ADGRV1: variants seen among roughly 807,000 people sequenced by gnomAD.
ADGRV1 encodes G-protein coupled receptor 98.
In ADGRV1, 359 loss-of-function variants were observed where a neutral mutation model predicts 596.2. The observed-to-expected ratio is 0.60, with a 90% CI of 0.55 to 0.66. The LOEUF is 0.66. Among genes scored for constraint, ADGRV1 ranks in the 30% least tolerant of loss-of-function variants. The pLI is 0.00. For missense variants in ADGRV1, 7,274 were observed against 7,575.6 expected (o/e 0.96, Z 1.48); for synonymous variants, 2,681 against 2,679.2 (o/e 1.00, Z -0.02).
intron 1 of ADGRV1, among the ~76,000 whole-genome samples, chr5:90,608,345 A>G (rs1188159088): frequency 6.6e-6 from 1 of 152,106 alleles, no homozygotes; most frequent in African/African-American, 2.4e-5. Context: ...CCAAATGGAC[A>G]AGAATAAACT....
intron 11 of ADGRV1, among the ~76,000 whole-genome samples, chr5:90,640,258 A>G (rs58132310): frequency 0.18 from 27,538 of 152,060 alleles, 2,688 homozygotes; most frequent in East Asian, 0.4. Context: ...TGGTTTCCTG[A>G]TGCCAAGTTG....
intron 85 of ADGRV1, among the ~76,000 whole-genome samples, chr5:91,063,062 G>C (rs1460847698): frequency 1.4e-5 from 2 of 146,704 alleles, no homozygotes; most frequent in Admixed American, 1.4e-4. Context: ...GGGCTCAAGC[G>C]ATCCTCCCAC....
chr5:90,607,864 G>A (rs1762292834), intron 1 of ADGRV1, among the ~76,000 whole-genome samples: 1 of 152,044 alleles, frequency 6.6e-6, no homozygotes, highest in Non-Finnish European at 1.5e-5. Flanking sequence ...TATAGATGAT[G>A]AAGAATTACC....
chr5:90,766,169 A>G (rs1355220330), intron 59 of ADGRV1, among the ~76,000 whole-genome samples: 1 of 152,156 alleles, frequency 6.6e-6, no homozygotes, highest in Admixed American at 6.5e-5. Flanking sequence ...TTGGCCTCCC[A>G]AAGTGCTGGG....
At chr5:90,984,253 C>A (rs983383546) in intron 84 of ADGRV1, among the ~76,000 whole-genome samples, 1 of 152,162 alleles carries the variant, frequency 6.6e-6, no homozygotes, top group Admixed American at 6.5e-5. Context: ...CATACTCACA[C>A]TCTTTCTACC....
intron 83 of ADGRV1, among the ~76,000 whole-genome samples, chr5:90,894,751 G>C (rs1429419635): frequency 1.3e-5 from 2 of 152,078 alleles, no homozygotes; most frequent in Admixed American, 1.3e-4. Flanking sequence ...AATGAATATG[G>C]AACCTGTTTC....
chr5:90,914,028 T>C (rs1313201850), intron 83 of ADGRV1, among the ~76,000 whole-genome samples: 1 of 152,170 alleles, frequency 6.6e-6, no homozygotes, highest in Non-Finnish European at 1.5e-5. Context: ...ACATATGAAG[T>C]AGTGAGTGGG....
intron 87 of ADGRV1, among the ~76,000 whole-genome samples, chr5:91,104,058 T>A (rs1791631424): frequency 6.6e-6 from 1 of 152,212 alleles, no homozygotes; most frequent in South Asian, 2.1e-4. Context: ...AGTTGTGATT[T>A]TTCTTTGTAT....
At chr5:90,909,236 C>T (rs1351992195) in intron 83 of ADGRV1, among the ~76,000 whole-genome samples, 1 of 152,168 alleles carries the variant, frequency 6.6e-6, no homozygotes, top group Non-Finnish European at 1.5e-5. Flanking sequence ...GGCCTCACAT[C>T]TGTTTCCTTG....
chr5:90,658,369 G>A, intron 21 of ADGRV1, 91 bp downstream of exon 21: 1 of 1,190,522 alleles, frequency 8.4e-7, no homozygotes, highest in Non-Finnish European at 1.1e-6. Context: ...GGTAAGATTG[G>A]TTGCGCATCT....
Position 91,053,533 on chromosome 5 carries a change from A to C in ADGRV1, c.18153-18914A>C, listed in dbSNP as rs144311100. Among the ~76,000 whole-genome samples, 233 of 152,310 alleles carry C rather than the reference A, an allele frequency of 1.5e-3. 1 individual carries two copies. The highest frequency in any genetic ancestry group is 5.4e-3 in the African/African-American group (225 of 41,580). On this transcript the variant is annotated intron_variant, in intron 85 of 89. Transcript: ENST00000405460. Reference sequence around the variant, plus strand: ...ACAGATGATTCCTGAACCAACAGGAAACAAAGTTGAGAAATTTTTGAGCGT... The same window carrying C: ...ACAGATGATTCCTGAACCAACAGGACACAAAGTTGAGAAATTTTTGAGCGT...
intron 84 of ADGRV1, among the ~76,000 whole-genome samples, chr5:90,972,381 C>A (rs1029275397): frequency 3.3e-5 from 5 of 152,296 alleles, no homozygotes; most frequent in Non-Finnish European, 7.3e-5. Flanking sequence ...CTCTCCACCC[C>A]AAATCAACAG....
At chr5:91,102,377 T>C in intron 87 of ADGRV1, 37 bp downstream of exon 87, 1 of 1,533,438 alleles carries the variant, frequency 6.5e-7, no homozygotes, top group African/African-American at 1.4e-5. Flanking sequence ...AACATACATT[T>C]ATCTTAATGA....
chr5:90,721,741 GT>G, intron 45 of ADGRV1, among the ~76,000 whole-genome samples: 1 of 152,236 alleles, frequency 6.6e-6, no homozygotes, highest in South Asian at 2.1e-4. Context: ...AGTTCTAAGT[GT>G]TGAAAGAATA....
intron 83 of ADGRV1, among the ~76,000 whole-genome samples, chr5:90,946,310 G>T (rs974879523): frequency 4.6e-5 from 7 of 152,110 alleles, no homozygotes; most frequent in Admixed American, 6.6e-5. Context: ...CAAGATCATG[G>T]TAAGGCTTTT....
rs537274280 is a variant in ADGRV1 at position 90,666,235 on chromosome 5, A to T, written c.4753-6311A>T. On this transcript the variant is annotated intron_variant, in intron 21 of 89. Transcript: ENST00000405460. ...GGGGTGTTAAAGTCTCCCATTATTA[A>T]TGTGTGGGAGTCTAAGTCTCTTTGT... is the stretch of plus-strand genomic sequence containing the variant. 2.6e-5 allele frequency among the ~76,000 whole-genome samples: 4 copies of T among 151,654 alleles called. No homozygotes were observed. In the East Asian group the frequency reaches 7.8e-4, roughly 30 times the overall value.
At chr5:90,715,532 G>A (rs1353404804) in intron 42 of ADGRV1, among the ~76,000 whole-genome samples, 1 of 152,154 alleles carries the variant, frequency 6.6e-6, no homozygotes, top group Non-Finnish European at 1.5e-5. Flanking sequence ...TGAAAGGGAG[G>A]TGCTGACAGT....
chr5:90,854,496 T>C (rs926786727), intron 81 of ADGRV1, among the ~76,000 whole-genome samples: 36 of 152,222 alleles, frequency 2.4e-4, no homozygotes, highest in African/African-American at 8.4e-4. Context: ...AAGTTACTAG[T>C]AAATTTATTG....
intron 1 of ADGRV1, 163 bp from the exon 2 acceptor site, chr5:90,614,672 T>C: frequency 1.5e-6 from 1 of 688,084 alleles, no homozygotes. Context: ...TTTTAACTTC[T>C]GTCGTCACAT....
Sources: allele counts gnomAD v4.1 joint callset (sites outside exome capture counted in the v4.1 genomes callset), GRCh38; gene constraint gnomAD v4.1.1; transcripts MANE v1.5; gene names NCBI Gene and HGNC (gene_info 2026-07-23, HGNC 2026-07-21).